SPATA1: variants seen among roughly 807,000 people sequenced by gnomAD.
SPATA1 encodes the protein spermatogenesis associated 1, also known as spermatogenesis-associated protein 1.
Under a neutral mutation model 59.6 loss-of-function variants are expected in SPATA1, and 57 were observed. The observed-to-expected ratio is 0.96, with a 90% CI of 0.77 to 1.19. SPATA1 has a LOEUF of 1.19. Among genes scored for constraint, SPATA1 ranks in the 50% most tolerant of loss-of-function variants. SPATA1 has a pLI of 0.00. For missense variants in SPATA1, 448 were observed against 480.7 expected (o/e 0.93, Z 0.64); for synonymous variants, 147 against 163.9 (o/e 0.90, Z 0.79).
downstream of SPATA1, among the ~76,000 whole-genome samples, chr1:84,557,546 A>G (rs1239925883): frequency 2.9e-5 from 4 of 137,006 alleles, no homozygotes; most frequent in East Asian, 2.1e-4. Context: ...AAAAAAAAAA[A>G]AAAAAAAGAA....
intron 4 of SPATA1, 67 bp from the exon 5 acceptor site, chr1:84,525,629 T>G: frequency 7.2e-7 from 1 of 1,383,284 alleles, no homozygotes; most frequent in Non-Finnish European, 9.8e-7. Flanking sequence ...GCAAAAAAAG[T>G]AGAGGTAAAA....
chr1:84,557,938 A>G (rs1354069771), downstream of SPATA1, among the ~76,000 whole-genome samples: 1 of 152,094 alleles, frequency 6.6e-6, no homozygotes. Flanking sequence ...AATGCGCACC[A>G]AAATGTTTCC....
intron 6 of SPATA1, among the ~76,000 whole-genome samples, chr1:84,528,633 G>T (rs560553321): frequency 4.9e-4 from 75 of 152,154 alleles, no homozygotes; most frequent in Non-Finnish European, 9.6e-4. Flanking sequence ...ATGGACATTT[G>T]GTTTGTTTGC....
At chr1:84,563,587 C>T (rs1684634188) in intron 4 of SPATA1, 4 of 634,316 alleles carry the variant, frequency 6.3e-6, no homozygotes, top group Non-Finnish European at 9.7e-6. Flanking sequence ...GTATGATAAT[C>T]ATAAGCTTTC....
chr1:84,565,559 A>G (rs955784185), intron 4 of SPATA1, among the ~76,000 whole-genome samples: 1 of 152,198 alleles, frequency 6.6e-6, no homozygotes, highest in South Asian at 2.1e-4. Context: ...CCCCAACTAT[A>G]TAATACTTAA....
chr1:84,534,607 ACTAC>A (rs113446526), intron 8 of SPATA1, among the ~76,000 whole-genome samples: 8,091 of 152,088 alleles, frequency 0.053, 751 homozygotes, highest in African/African-American at 0.18. Flanking sequence ...CATTTTAATA[ACTAC>A]CTACCTAAAT....
chr1:84,529,225 C>A (rs1231917799), intron 6 of SPATA1, among the ~76,000 whole-genome samples: 1 of 151,852 alleles, frequency 6.6e-6, no homozygotes, highest in Non-Finnish European at 1.5e-5. Flanking sequence ...TAATTCTTTT[C>A]GATAGTTTTG....
At chr1:84,508,089 G>T (rs1682356601) in intron 1 of SPATA1, among the ~76,000 whole-genome samples, 2 of 152,076 alleles carry the variant, frequency 1.3e-5, no homozygotes, top group Non-Finnish European at 1.5e-5. Context: ...AGACCATCCT[G>T]GCCAACGTGG....
chr1:84,529,577 T>A (rs934884196), intron 6 of SPATA1, among the ~76,000 whole-genome samples: 4 of 52,214 alleles, frequency 7.7e-5, no homozygotes, highest in Admixed American at 5.4e-4. Flanking sequence ...GTAATATGCC[T>A]TTTTTTTTTT....
chr1:84,508,282 C>CA (rs386367522), intron 1 of SPATA1, among the ~76,000 whole-genome samples: 13,491 of 115,752 alleles, frequency 0.12, 1,254 homozygotes, highest in African/African-American at 0.28. Flanking sequence ...GACTCCGTCT[C>CA]AAAAAAAAAA....
intron 1 of SPATA1, among the ~76,000 whole-genome samples, chr1:84,514,470 C>T (rs1682711455): frequency 6.6e-6 from 1 of 152,152 alleles, no homozygotes; most frequent in East Asian, 1.9e-4. Flanking sequence ...GTTAAACAAT[C>T]CTAATCCAAA....
At chr1:84,545,654 A>T in exon 10 of SPATA1, 1 of 1,517,284 alleles carries the variant, frequency 6.6e-7, no homozygotes, top group Non-Finnish European at 8.8e-7. Flanking sequence ...TATCAAACAA[A>T]TGAAACAAGT....
At chr1:84,531,500 G>A (rs981029666) in intron 6 of SPATA1, among the ~76,000 whole-genome samples, 1 of 151,734 alleles carries the variant, frequency 6.6e-6, no homozygotes, top group African/African-American at 2.4e-5. Flanking sequence ...TCAATACCAG[G>A]TGGGAAATAA....
intron 4 of SPATA1, among the ~76,000 whole-genome samples, chr1:84,524,476 A>C (rs17110865): frequency 0.059 from 8,923 of 152,250 alleles, 407 homozygotes; most frequent in African/African-American, 0.12. Context: ...GTGAGGAGGC[A>C]GGAATTTCAG....
chr1:84,556,112 T>C (rs1306672427), downstream of SPATA1: 1 of 152,194 alleles, frequency 6.6e-6, no homozygotes, highest in Admixed American at 6.5e-5. Flanking sequence ...ATTCTGGTCT[T>C]ATGTTCACCT....
intron 11 of SPATA1, 26 bp downstream of exon 11, chr1:84,548,990 G>A (rs760979080): frequency 1.5e-5 from 22 of 1,516,410 alleles, no homozygotes; most frequent in African/African-American, 5.7e-5. Context: ...TCCCCCTTCC[G>A]TTAGAGAAGT....
intron 12 of SPATA1, chr1:84,551,332 AAG>A (rs1684264402): frequency 1.1e-6 from 1 of 925,166 alleles, no homozygotes; most frequent in South Asian, 5.0e-5. Flanking sequence ...AAAAAGAAAA[AAG>A]AAAATCAGTA....
intron 1 of SPATA1, 137 bp from the exon 2 acceptor site, chr1:84,516,086 A>G: frequency 3.3e-6 from 1 of 307,552 alleles, no homozygotes. Context: ...ATTTATGCTC[A>G]TTTTATTACA....
chr1:84,559,614 T>G (rs1684549555), intron 4 of SPATA1, among the ~76,000 whole-genome samples: 1 of 151,902 alleles, frequency 6.6e-6, no homozygotes, highest in Non-Finnish European at 1.5e-5. Flanking sequence ...GGAGCGATAC[T>G]CCATCTCAGA....
Sources: allele counts gnomAD v4.1 joint callset (sites outside exome capture counted in the v4.1 genomes callset), GRCh38; gene constraint gnomAD v4.1.1; transcripts MANE v1.5; gene names NCBI Gene and HGNC (gene_info 2026-07-23, HGNC 2026-07-21).